The following LARP4B variants were observed in gnomAD, a reference collection of about 807,000 sequenced individuals.
LARP4B encodes the protein La ribonucleoprotein 4B.
A neutral mutation model predicts 89.8 loss-of-function variants in LARP4B; 12 were observed. The observed-to-expected ratio is 0.13, with a 90% CI of 0.09 to 0.22. The LOEUF is 0.22. Among genes scored for constraint, LARP4B ranks in the 10% least tolerant of loss-of-function variants. LARP4B has a pLI of 1.00. For synonymous variants in LARP4B, 367 were observed against 363.3 expected, an observed-to-expected ratio of 1.01 and a Z score of -0.12; for missense variants, 757 against 947.7, an observed-to-expected ratio of 0.80 and a Z score of 2.64.
At chr10:933,453 C>T (rs1830709631), upstream of LARP4B, among the ~76,000 whole-genome samples, 1 of 152,142 alleles carries the variant, frequency 6.6e-6, no homozygotes, top group South Asian at 2.1e-4. Flanking sequence ...GACAATTCTG[C>T]ATTTTGGAAG....
chr10:876,556 G>A (rs1313381502), intron 3 of LARP4B, among the ~76,000 whole-genome samples: 2 of 152,176 alleles, frequency 1.3e-5, no homozygotes, highest in Non-Finnish European at 2.9e-5. Context: ...CAGTGGAACA[G>A]GGTTGGCTCC....
chr10:816,961 G>A (rs531962652), intron 15 of LARP4B, among the ~76,000 whole-genome samples: 6 of 152,272 alleles, frequency 3.9e-5, no homozygotes, highest in Admixed American at 6.5e-5. Context: ...GTCATGTGGC[G>A]TGGAACAGAC....
At chr10:945,049 C>T in the LARP4B span, among the ~76,000 whole-genome samples, 89 of 152,172 alleles carry the variant, frequency 5.8e-4, 1 homozygote, top group South Asian at 0.017. Flanking sequence ...ATTGTAACCA[C>T]GTTTATAATT....
Position 814,552 on chromosome 10 carries a change from G to A in LARP4B, c.1929+190C>T. On this transcript the variant is annotated intron_variant, in intron 17 of 17. Transcript: ENST00000316157. This position sits in a 1 kb window ranked among gnomAD's most constrained non-coding sequence, Gnocchi z 4.4. ...TACATGGTGGTCTGAGAAAGAACTA[G>A]AGTAGTTAGTGGAAAATTATTAGCA... is the stretch of plus-strand genomic sequence containing the variant. The A allele has an allele frequency of 7.8e-7, 1 of 1,288,072 alleles. No individual in the cohort carries two copies. Among genetic ancestry groups the A allele is most frequent in the Non-Finnish European group, 1.1e-6 (1 of 915,480 alleles). 79.8% of individuals were successfully genotyped at this position (1,288,072 alleles called of 1,614,324 possible).
In LARP4B at chr10:863,728, AT is replaced by A; in HGVS notation, c.430+14del. On this transcript the variant is annotated intron_variant, in intron 5 of 17. Transcript: ENST00000316157. ...CCATATTCCCTGGGAAAATGCACCC[AT>A]AAGATATGTTTACCTGTCTCGCTAT... is the stretch of plus-strand genomic sequence containing the variant. 6.3e-7 allele frequency: 1 copy of A among 1,588,376 alleles called. No homozygotes were observed. The highest frequency in any genetic ancestry group is 8.6e-7 in the Non-Finnish European group (1 of 1,168,914).
intron 1 of LARP4B, among the ~76,000 whole-genome samples, chr10:889,923 G>A (rs1048342487): frequency 6.6e-5 from 10 of 152,176 alleles, no homozygotes; most frequent in African/African-American, 2.2e-4. Context: ...TAGCCTAAGC[G>A]ACAGAGTGAA....
At chr10:841,658 G>T (rs1833526958) in intron 7 of LARP4B, among the ~76,000 whole-genome samples, 1 of 152,172 alleles carries the variant, frequency 6.6e-6, no homozygotes, top group African/African-American at 2.4e-5. Flanking sequence ...TACAAACAGG[G>T]ACAAGAATGC....
At chr10:897,987 CA>C (rs58452748) in intron 1 of LARP4B, among the ~76,000 whole-genome samples, 978 of 25,604 alleles carry the variant, frequency 0.038, 3 homozygotes, top group African/African-American at 0.052. Flanking sequence ...GGCTCCATCT[CA>C]AAAAAAAAAA....
At position 900,302 on chromosome 10, in the gene LARP4B, G is replaced by A. The variant is rs138663854; in HGVS notation, c.-39-14542C>T. Among the ~76,000 whole-genome samples the A allele has an allele frequency of 6.1e-3, 932 of 151,652 alleles. 11 individuals carry two copies. The highest frequency in any genetic ancestry group is 0.022 in the African/African-American group (907 of 41,338). ...AAGAAGGTTGCAGTGAGCCAAGATCGCACCATTGCACTCCAGCCTGGCAAC... is the reference window on the plus strand; with the variant it reads ...AAGAAGGTTGCAGTGAGCCAAGATCACACCATTGCACTCCAGCCTGGCAAC... On this transcript the variant is annotated intron_variant, in intron 1 of 17. Transcript: ENST00000316157.
the LARP4B span, among the ~76,000 whole-genome samples, chr10:984,941 T>C: frequency 5.9e-5 from 9 of 152,128 alleles, no homozygotes; most frequent in South Asian, 2.1e-4. Context: ...CATAAATAAA[T>C]AAACAAACAA....
intron 14 of LARP4B, 83 bp downstream of exon 14, chr10:820,717 C>T: frequency 3.2e-6 from 4 of 1,257,994 alleles, no homozygotes; most frequent in South Asian, 1.3e-5. Flanking sequence ...GTGCCTTAAC[C>T]TTAATCCATT....
intron 1 of LARP4B, among the ~76,000 whole-genome samples, chr10:927,921 G>A (rs1837190508): frequency 6.6e-6 from 1 of 152,156 alleles, no homozygotes; most frequent in Non-Finnish European, 1.5e-5. Context: ...TTTAAAACTT[G>A]TACCTTTGGC....
At chr10:816,988 G>A (rs972194370) in intron 15 of LARP4B, among the ~76,000 whole-genome samples, 1 of 152,182 alleles carries the variant, frequency 6.6e-6, no homozygotes, top group Non-Finnish European at 1.5e-5. Context: ...TAACTCTGGG[G>A]CACAGCTGGG....
chr10:817,385 T>G (rs1832118856), intron 15 of LARP4B, among the ~76,000 whole-genome samples: 1 of 152,240 alleles, frequency 6.6e-6, no homozygotes, highest in African/African-American at 2.4e-5. Context: ...AATTCAGATG[T>G]TTCCATTTCA....
chr10:835,405 C>T (rs1021211357), intron 8 of LARP4B, among the ~76,000 whole-genome samples: 6 of 152,124 alleles, frequency 3.9e-5, no homozygotes, highest in Admixed American at 2.0e-4. Context: ...GCATGAACGA[C>T]GAGGCTGAAA....
chr10:825,430 T>A, intron 12 of LARP4B, 114 bp from the exon 13 acceptor site: 1 of 1,043,016 alleles, frequency 9.6e-7, no homozygotes, highest in Admixed American at 2.4e-5. Flanking sequence ...TAATAAAGTA[T>A]AAAAATAGGA....
At chr10:817,137 G>A (rs568778369) in intron 15 of LARP4B, among the ~76,000 whole-genome samples, 2 of 152,208 alleles carry the variant, frequency 1.3e-5, no homozygotes, top group Non-Finnish European at 2.9e-5. Context: ...AGGTGTGGCA[G>A]CCGGCCAAGT....
At chr10:968,811 G>C in the LARP4B span, among the ~76,000 whole-genome samples, 1 of 152,242 alleles carries the variant, frequency 6.6e-6, no homozygotes, top group Non-Finnish European at 1.5e-5. Context: ...CTTCCTGCGC[G>C]ACAGCAAGCA....
At chr10:972,442 T>C in the LARP4B span, 2 of 443,370 alleles carry the variant, frequency 4.5e-6, no homozygotes, top group Admixed American at 2.5e-5. Context: ...TTCTATTCCT[T>C]ATGTATTACC....
Sources: allele counts gnomAD v4.1 joint callset (sites outside exome capture counted in the v4.1 genomes callset), GRCh38; gene constraint gnomAD v4.1.1; non-coding constraint Gnocchi (gnomAD v3.1); transcripts MANE v1.5; gene names NCBI Gene and HGNC (gene_info 2026-07-23, HGNC 2026-07-21).